EFR3B: variants seen among roughly 807,000 people sequenced by gnomAD.
EFR3B encodes EFR3 homolog B.
Under a neutral mutation model 104.7 loss-of-function variants are expected in EFR3B, and 64 were observed. That is an observed-to-expected ratio of 0.61 (90% CI 0.50 to 0.75). EFR3B has a LOEUF of 0.75. Among genes scored for constraint, EFR3B ranks in the 30% least tolerant of loss-of-function variants. EFR3B has a pLI of 0.00. For synonymous variants in EFR3B, 385 were observed against 417.9 expected, an observed-to-expected ratio of 0.92 and a Z score of 0.96; for missense variants, 750 against 1,078.5, an observed-to-expected ratio of 0.70 and a Z score of 4.27.
chr2:25,067,958 G>A (rs1160038337), intron 1 of EFR3B, among the ~76,000 whole-genome samples: 2 of 152,116 alleles, frequency 1.3e-5, no homozygotes, highest in South Asian at 2.1e-4. Context: ...GGGATTACAG[G>A]TGTGAGCCAC....
chr2:25,104,603 T>A (rs1669514409), intron 4 of EFR3B, among the ~76,000 whole-genome samples: 1 of 152,182 alleles, frequency 6.6e-6, no homozygotes, highest in South Asian at 2.1e-4. Context: ...CTCAGCACGC[T>A]ATGGGGGCAT....
chr2:25,108,195 G>T (rs867816266), intron 4 of EFR3B, among the ~76,000 whole-genome samples: 24 of 152,248 alleles, frequency 1.6e-4, no homozygotes, highest in African/African-American at 4.1e-4. Context: ...TCATGATGAG[G>T]GACTGGAAAC....
intron 3 of EFR3B, among the ~76,000 whole-genome samples, chr2:25,098,795 G>T: frequency 6.8e-6 from 1 of 147,212 alleles, no homozygotes; most frequent in South Asian, 2.1e-4. Flanking sequence ...CTACCAAAAT[G>T]GAAATTTTCC....
intron 1 of EFR3B, among the ~76,000 whole-genome samples, chr2:25,066,584 T>C (rs1283176486): frequency 6.6e-6 from 1 of 152,208 alleles, no homozygotes; most frequent in Non-Finnish European, 1.5e-5. Flanking sequence ...GGGAGGCATC[T>C]AAACCAAAAC....
At chr2:25,110,920 C>T (rs772969339) in intron 4 of EFR3B, among the ~76,000 whole-genome samples, 3 of 152,250 alleles carry the variant, frequency 2.0e-5, no homozygotes, top group Non-Finnish European at 2.9e-5. Flanking sequence ...CAACCTCTCT[C>T]TGCCCCTCTT....
rs1239087428 is a variant in EFR3B, at chr2:25,051,633, G to GT, written c.7+9315dup. On this transcript the variant is annotated intron_variant, in intron 1 of 22. Coordinates refer to ENST00000403714, the MANE Select transcript of EFR3B (RefSeq NM_014971.2). ...GAACACATTTCTCTTTTGTGTGTGTGTGTGTTTTTTTTTTTTTTTTCAGAC... is the reference window on the plus strand; with the variant it reads ...GAACACATTTCTCTTTTGTGTGTGTGTTGTGTTTTTTTTTTTTTTTTCAGAC... Among the ~76,000 whole-genome samples the GT allele has an allele frequency of 4.3e-3, 426 of 98,654 alleles. 3 individuals are homozygous for GT. The highest frequency in any genetic ancestry group is 0.033 in the Middle Eastern group (5 of 152). The allele number at this position is 98,654 out of a possible 152,430, so 64.7% of individuals were successfully genotyped here. A position where few individuals can be genotyped will look rare whatever the true frequency, so the allele number is the denominator to read the frequency against.
chr2:25,135,761 C>A, intron 13 of EFR3B, 122 bp downstream of exon 13: 2 of 1,138,260 alleles, frequency 1.8e-6, no homozygotes, highest in South Asian at 1.5e-5. Context: ...ATTGTGGGAT[C>A]TGAGTATCCC....
At position 25,154,090 on chromosome 2, in the gene EFR3B, G is replaced by A. The variant is rs1300819542; in HGVS notation, c.2349-145G>A. 6 of 716,166 alleles carry A rather than the reference G, an allele frequency of 8.4e-6. No homozygotes were observed. Among genetic ancestry groups the A allele is most frequent in the Non-Finnish European group, 9.2e-6 (4 of 433,650 alleles). The allele number at this position is 716,166 out of a possible 1,614,324, so 44.4% of individuals were successfully genotyped here. On this transcript the variant is annotated intron_variant, in intron 22 of 22. Coordinates refer to ENST00000403714, the MANE Select transcript of EFR3B (RefSeq NM_014971.2). The surrounding 1 kb of genome is among the most constrained non-coding windows in gnomAD (Gnocchi z 4.1). ...CAAGCTGTAGATTCTAGTAGAACGTGGAATCCTGGGAACCTGTGGAATGAA... is the reference window on the plus strand; with the variant it reads ...CAAGCTGTAGATTCTAGTAGAACGTAGAATCCTGGGAACCTGTGGAATGAA...
intron 5 of EFR3B, among the ~76,000 whole-genome samples, chr2:25,124,738 C>CAAAAA (rs34181444): frequency 2.4e-5 from 1 of 41,794 alleles, no homozygotes; most frequent in Non-Finnish European, 4.1e-5. Context: ...GACTCTGTCT[C>CAAAAA]AAAAAAAAAA....
At chr2:25,118,758 A>G (rs1669934638) in intron 4 of EFR3B, among the ~76,000 whole-genome samples, 2 of 143,110 alleles carry the variant, frequency 1.4e-5, no homozygotes, top group South Asian at 4.6e-4. Context: ...AAAAAAAAAA[A>G]GGCAGGGCGT....
rs1024486858 is a variant in EFR3B at position 25,137,776 on chromosome 2, A to G, written c.1722+274A>G. 6.6e-6 allele frequency among the ~76,000 whole-genome samples: 1 copy of G among 152,160 alleles called. No homozygotes were observed. The highest frequency in any genetic ancestry group is 2.4e-5 in the African/African-American group (1 of 41,434). ...TTCAGAAACATCCCTTAGCTACTAC[A>G]TGTCAAGTCTCTCGCAGAGTCTGAG... is the stretch of plus-strand genomic sequence containing the variant. On this transcript the variant is annotated intron_variant, in intron 15 of 22. Transcript: ENST00000403714. This position sits in a 1 kb window ranked among gnomAD's most constrained non-coding sequence, Gnocchi z 4.7.
intron 6 of EFR3B, 128 bp from the exon 7 acceptor site, chr2:25,129,847 A>G: frequency 7.9e-7 from 1 of 1,273,020 alleles, no homozygotes; most frequent in South Asian, 1.6e-5. Flanking sequence ...CGCCTCCCCT[A>G]TTGCCTAGTG....
intron 6 of EFR3B, among the ~76,000 whole-genome samples, chr2:25,128,960 CAAAAAAAAAAAAAAAAAAAAAAAA>C (rs1170505822): frequency 1.8e-3 from 49 of 26,690 alleles, no homozygotes; most frequent in Non-Finnish European, 3.1e-3. Context: ...GACTCCGTCT[CAAAAAAAAAAAAAAAAAAAAAAAA>C]AAAAAAAAAA....
At chr2:25,144,041 C>A (rs1156503904) in intron 18 of EFR3B, among the ~76,000 whole-genome samples, 179 bp downstream of exon 18, 2 of 152,190 alleles carry the variant, frequency 1.3e-5, no homozygotes, top group Non-Finnish European at 2.9e-5. Flanking sequence ...CACCTCTCCT[C>A]CTCAGGACAG....
intron 3 of EFR3B, among the ~76,000 whole-genome samples, chr2:25,094,913 C>T (rs1201478995): frequency 6.6e-6 from 1 of 152,122 alleles, no homozygotes; most frequent in Non-Finnish European, 1.5e-5. Flanking sequence ...CCTCAGCCTC[C>T]CATATAACTG....
At chr2:25,135,201 G>A (rs1367557035) in intron 12 of EFR3B, among the ~76,000 whole-genome samples, 1 of 152,156 alleles carries the variant, frequency 6.6e-6, no homozygotes, top group Admixed American at 6.5e-5. Context: ...TCCCTCCAGG[G>A]CTCATCCCTT....
chr2:25,082,264 T>G (rs1668829955), intron 1 of EFR3B, among the ~76,000 whole-genome samples: 1 of 152,204 alleles, frequency 6.6e-6, no homozygotes, highest in Non-Finnish European at 1.5e-5. Flanking sequence ...GCAGCCAGGA[T>G]TGCGGCCACA....
intron 2 of EFR3B, 79 bp from the exon 3 acceptor site, chr2:25,092,924 G>T: frequency 1.3e-6 from 2 of 1,492,408 alleles, no homozygotes; most frequent in South Asian, 1.3e-5. Context: ...TGATTCCGTC[G>T]AATTATTATT....
intron 1 of EFR3B, among the ~76,000 whole-genome samples, chr2:25,058,836 G>T (rs981112149): frequency 6.7e-6 from 1 of 148,708 alleles, no homozygotes; most frequent in Non-Finnish European, 1.5e-5. Context: ...CCATCATTGT[G>T]TACAGCTAGT....
Sources: allele counts gnomAD v4.1 joint callset (sites outside exome capture counted in the v4.1 genomes callset), GRCh38; gene constraint gnomAD v4.1.1; non-coding constraint Gnocchi (gnomAD v3.1); transcripts MANE v1.5; gene names NCBI Gene and HGNC (gene_info 2026-07-23, HGNC 2026-07-21).